Variants in CEP70 observed in about 807,000 individuals in gnomAD.
The protein encoded by CEP70 is centrosomal protein of 70 kDa.
CEP70 carries 70 observed loss-of-function variants against 90.9 expected under a neutral mutation model. The observed-to-expected ratio is 0.77, with a 90% CI of 0.64 to 0.94. The LOEUF (loss-of-function observed/expected upper bound fraction) is 0.94. CEP70 is among the 40% of genes least tolerant of loss of function. The probability of loss-of-function intolerance (pLI) is 0.00; values close to 1 mark genes in which losing one functional copy is unlikely to be tolerated. For synonymous variants in CEP70, 220 were observed against 228.3 expected (o/e 0.96, Z 0.33); for missense variants, 648 against 669.0 (o/e 0.97, Z 0.35).
At position 138,540,412 on chromosome 3, in the gene CEP70, A is replaced by AC. The variant is rs373804071; in HGVS notation, c.466-3066dup. On this transcript the variant is annotated intron_variant, in intron 6 of 17. Transcript: ENST00000264982. ...AGGCTGAAGGAGGGGAATCGCTTGAACCTGGAGGTTGCAGTGAGCCGAGAC... is the reference window on the plus strand; with the variant it reads ...AGGCTGAAGGAGGGGAATCGCTTGAACCCTGGAGGTTGCAGTGAGCCGAGAC... 5.7e-3 allele frequency among the ~76,000 whole-genome samples: 852 copies of AC among 150,428 alleles called. 7 individuals carry two copies. The highest frequency in any genetic ancestry group is 0.02 in the African/African-American group (821 of 40,878).
chr3:138,522,952 G>A (rs1380052547), intron 11 of CEP70, among the ~76,000 whole-genome samples: 1 of 152,196 alleles, frequency 6.6e-6, no homozygotes, highest in African/African-American at 2.4e-5. Context: ...TATCCCTGAT[G>A]AACATCGATG....
chr3:138,592,075 G>A, intron 1 of CEP70, 119 bp from the exon 2 acceptor site: 1 of 510,926 alleles, frequency 2.0e-6, no homozygotes, highest in Non-Finnish European at 3.4e-6. Context: ...GATAAAGCAG[G>A]CACAACTGAA....
rs201393804 is a variant in CEP70 at position 138,529,222 on chromosome 3, G to A, written c.846C>T (p.Asn282=). The change falls in exon 10 of 18, where the codon AAC becomes AAT. Residue 282 remains asparagine (N), a synonymous_variant. Transcript: ENST00000264982. ...ACCTGGTTTCCAAATCTTTTTGGAG[G>A]TTCAGCTTTTCACTTGAAAGTGCAT... The part of the protein sequence containing the change: ...KIDALSSEKL[N]LQKDLETRPT... 4 of 1,605,542 alleles carry A rather than the reference G, an allele frequency of 2.5e-6. No individual in the cohort carries two copies. Among genetic ancestry groups the A allele is most frequent in the Non-Finnish European group, 3.4e-6 (4 of 1,176,282 alleles).
intron 2 of CEP70, among the ~76,000 whole-genome samples, chr3:138,574,437 G>A (rs1029258227): frequency 6.6e-6 from 1 of 152,234 alleles, no homozygotes; most frequent in Non-Finnish European, 1.5e-5. Flanking sequence ...AAAGCGGCAG[G>A]AAAGCTTGAA....
At chr3:138,538,444 C>G (rs1359256854) in intron 6 of CEP70, among the ~76,000 whole-genome samples, 1 of 152,144 alleles carries the variant, frequency 6.6e-6, no homozygotes, top group African/African-American at 2.4e-5. Flanking sequence ...CAAACCTGGA[C>G]ATGAGCCACC....
intron 2 of CEP70, among the ~76,000 whole-genome samples, chr3:138,580,994 T>TA (rs112318638): frequency 3.8e-4 from 58 of 151,728 alleles, no homozygotes; most frequent in African/African-American, 1.4e-3. Flanking sequence ...GAAAAAAGAA[T>TA]AAAAAACAGG....
At chr3:138,527,723 G>C (rs2037415728) in intron 10 of CEP70, among the ~76,000 whole-genome samples, 1 of 150,900 alleles carries the variant, frequency 6.6e-6, no homozygotes, top group Non-Finnish European at 1.5e-5. Flanking sequence ...ATCTCAATGG[G>C]CTAAAATTAT....
chr3:138,582,302 T>A (rs1035347154), intron 2 of CEP70, among the ~76,000 whole-genome samples: 3 of 151,966 alleles, frequency 2.0e-5, no homozygotes, highest in African/African-American at 7.3e-5. Flanking sequence ...TGAAACCCTG[T>A]CTCTACTAAA....
chr3:138,575,859 T>C (rs886549289), intron 2 of CEP70, among the ~76,000 whole-genome samples: 5 of 152,240 alleles, frequency 3.3e-5, no homozygotes, highest in East Asian at 1.9e-4. Flanking sequence ...CTAAGCTTCA[T>C]AAATGAAGGA....
Position 138,529,218 on chromosome 3 carries a change from G to A in CEP70, c.850C>T (p.Gln284Ter). Residue 284 changes from glutamine to a stop codon, truncating the protein, a stop_gained, in exon 10 of 18, where the codon CAA (glutamine) becomes TAA (stop). Transcript: ENST00000264982. LOFTEE classifies it high-confidence loss of function. Reference sequence around the variant, plus strand: ...TCTCACCTGGTTTCCAAATCTTTTTGGAGGTTCAGCTTTTCACTTGAAAGT... The same window carrying A: ...TCTCACCTGGTTTCCAAATCTTTTTAGAGGTTCAGCTTTTCACTTGAAAGT... Reference protein sequence around the residue: ...DALSSEKLNLQKDLETRPTQH... With the variant: ...DALSSEKLNL 1 of 1,594,778 alleles carries A rather than the reference G, an allele frequency of 6.3e-7. No individual in the cohort carries two copies. The highest frequency in any genetic ancestry group is 1.1e-5 in the South Asian group (1 of 87,262).
intron 17 of CEP70, chr3:138,496,749 AATGTTT>A (rs1377588368): frequency 2.4e-5 from 24 of 985,108 alleles, no homozygotes; most frequent in Non-Finnish European, 2.8e-5. Context: ...TCCCAATGTT[AATGTTT>A]AACACCAGAA....
rs1279130821 is a variant in CEP70, at chr3:138,527,690, G to A, written c.869+1509C>T. 4.5e-4 allele frequency among the ~76,000 whole-genome samples: 44 copies of A among 98,736 alleles called. No individual in the cohort carries two copies. The Middle Eastern group carries it at 0.014, about 31-fold the overall frequency. The allele number at this position is 98,736 out of a possible 152,430, so 64.8% of individuals were successfully genotyped here. On this transcript the variant is annotated intron_variant, in intron 10 of 17. Coordinates refer to ENST00000264982, the MANE Select transcript of CEP70 (RefSeq NM_024491.4). The stretch of plus-strand genomic sequence containing the variant: ...AGCCTGGGCGACAGAGCAAGACTCC[G>A]TCTCAAAAAAAAAAAAAAAAAAATC...
rs2037612241 is a variant in CEP70, at chr3:138,529,457, T to A, written c.698A>T (p.Tyr233Phe). ...KIRKIHTQRQ[Y>F]KEDESQSEEE... ...TTCTGACTGACTTTCATCTTCTTTA[T>A]ATTGCCTATGAAAATATGTATGCAG... The change falls in exon 9 of 18, where the codon TAT (tyrosine) becomes TTT (phenylalanine). Residue 233 changes from tyrosine to phenylalanine, a missense_variant. Coordinates refer to ENST00000264982, the MANE Select transcript of CEP70 (RefSeq NM_024491.4). 1 of 1,596,504 alleles carries A rather than the reference T, an allele frequency of 6.3e-7. No homozygotes were observed. The highest frequency in any genetic ancestry group is 8.6e-7 in the Non-Finnish European group (1 of 1,168,516).
At chr3:138,513,101 C>T (rs963721291) in intron 11 of CEP70, among the ~76,000 whole-genome samples, 2 of 152,208 alleles carry the variant, frequency 1.3e-5, no homozygotes. Flanking sequence ...ATTTCAGGCA[C>T]AGCCACAGGT....
intron 7 of CEP70, among the ~76,000 whole-genome samples, chr3:138,532,927 C>G (rs1367037489): frequency 6.6e-6 from 1 of 152,092 alleles, no homozygotes; most frequent in Non-Finnish European, 1.5e-5. Context: ...AGTGAAAAGC[C>G]AGAAATAATT....
intron 6 of CEP70, among the ~76,000 whole-genome samples, chr3:138,560,837 A>G (rs1560413258): frequency 6.6e-6 from 1 of 152,088 alleles, no homozygotes; most frequent in Non-Finnish European, 1.5e-5. Flanking sequence ...CTCTCTGGGT[A>G]GGGCACCTCT....
intron 12 of CEP70, among the ~76,000 whole-genome samples, chr3:138,507,634 G>A (rs1210705030): frequency 2.6e-5 from 4 of 152,112 alleles, no homozygotes; most frequent in Non-Finnish European, 5.9e-5. Flanking sequence ...ATAAAGTAGA[G>A]AAAAAAGTAG....
intron 11 of CEP70, among the ~76,000 whole-genome samples, chr3:138,516,329 C>A (rs970919130): frequency 1.3e-5 from 2 of 152,004 alleles, no homozygotes; most frequent in African/African-American, 2.4e-5. Context: ...TGCATCCTTT[C>A]TGAACCTTCC....
intron 6 of CEP70, among the ~76,000 whole-genome samples, chr3:138,553,155 C>T (rs1157316531): frequency 6.6e-6 from 1 of 151,908 alleles, no homozygotes; most frequent in African/African-American, 2.4e-5. Context: ...AGACCAATAA[C>T]AAGCAGTGAG....
Sources: allele counts gnomAD v4.1 joint callset (sites outside exome capture counted in the v4.1 genomes callset), GRCh38; gene constraint gnomAD v4.1.1; transcripts MANE v1.5; gene names NCBI Gene and HGNC (gene_info 2026-07-23, HGNC 2026-07-21).